IGF2BP3: variants seen among roughly 807,000 people sequenced by gnomAD.
IGF2BP3 encodes insulin like growth factor 2 mRNA binding protein 3.
Under a neutral mutation model 73.8 loss-of-function variants are expected in IGF2BP3, and 9 were observed. That is an observed-to-expected ratio of 0.12 (90% confidence interval 0.07 to 0.21). IGF2BP3 has a LOEUF of 0.21. Ranked by LOEUF, IGF2BP3 falls within the 10% of genes least tolerant of loss-of-function variation. IGF2BP3 has a pLI of 1.00. For synonymous variants in IGF2BP3, 258 were observed against 256.7 expected (o/e 1.01, Z -0.05); for missense variants, 542 against 714.0 (o/e 0.76, Z 2.75).
intron 2 of IGF2BP3, among the ~76,000 whole-genome samples, chr7:23,455,228 G>C (rs146498973): frequency 1.3e-5 from 2 of 152,128 alleles, no homozygotes; most frequent in Non-Finnish European, 2.9e-5. Context: ...CATCACGCAC[G>C]CAGGCTGCTC....
chr7:23,390,300 T>G (rs1786231287), intron 3 of IGF2BP3, among the ~76,000 whole-genome samples: 1 of 152,154 alleles, frequency 6.6e-6, no homozygotes, highest in Non-Finnish European at 1.5e-5. Flanking sequence ...TTTCCAAATT[T>G]TATTCAACGA....
At chr7:23,440,376 C>G (rs948747048) in intron 2 of IGF2BP3, among the ~76,000 whole-genome samples, 1 of 152,156 alleles carries the variant, frequency 6.6e-6, no homozygotes, top group East Asian at 1.9e-4. Flanking sequence ...GCAGAGGTTG[C>G]AGTGAGCCGA....
intron 2 of IGF2BP3, among the ~76,000 whole-genome samples, chr7:23,455,785 G>A (rs1243712269): frequency 6.6e-6 from 1 of 152,012 alleles, no homozygotes; most frequent in African/African-American, 2.4e-5. Flanking sequence ...TCCCGGATTC[G>A]AGCCACTCTC....
chr7:23,411,075 C>T (rs1787003580), intron 3 of IGF2BP3, among the ~76,000 whole-genome samples: 1 of 152,224 alleles, frequency 6.6e-6, no homozygotes, highest in African/African-American at 2.4e-5. Context: ...CTACCGAGAA[C>T]ATGCAGTTTA....
intron 3 of IGF2BP3, among the ~76,000 whole-genome samples, chr7:23,406,079 AAAAG>A (rs1346200148): frequency 3.3e-5 from 5 of 152,080 alleles, no homozygotes; most frequent in Admixed American, 6.5e-5. Flanking sequence ...AAAAAAAAAA[AAAAG>A]AAAGAAAAAT....
chr7:23,321,426 C>A lies in IGF2BP3; in HGVS notation c.1204-2172G>T, dbSNP rs111230553. On this transcript the variant is annotated intron_variant, in intron 10 of 14. Coordinates refer to ENST00000258729, the MANE Select transcript of IGF2BP3 (RefSeq NM_006547.3). ...GCACCTGGCTCGGAGGGTCGTACGC[C>A]CACGGAGTCTCGCTGATTGCTAGCA... Among the ~76,000 whole-genome samples, 515 of 152,308 alleles carry A rather than the reference C, an allele frequency of 3.4e-3. 2 individuals are homozygous for A. The highest frequency in any genetic ancestry group is 5.7e-3 in the Non-Finnish European group (391 of 68,024).
At position 23,310,383 on chromosome 7, in the gene IGF2BP3, T is replaced by G. The variant is rs1389210997; in HGVS notation, c.*1979A>C. 3.3e-5 allele frequency: 5 copies of G among 152,112 alleles called. No individual in the cohort carries two copies. Among genetic ancestry groups the G allele is most frequent in the Non-Finnish European group, 7.4e-5 (5 of 67,972 alleles). The allele number at this position is 152,112 out of a possible 1,614,324, so 9.4% of individuals were successfully genotyped here. A position where few individuals can be genotyped will look rare whatever the true frequency, so the allele number is the denominator to read the frequency against. ...CAAATTACAAATGCTTAAGTAAAAG[T>G]AAAATATGATTTGCCATACTAAAAG... On this transcript the variant is annotated 3_prime_UTR_variant, in exon 15 of 15. Coordinates refer to ENST00000258729, the MANE Select transcript of IGF2BP3 (RefSeq NM_006547.3).
At chr7:23,437,824 C>T (rs1271389416) in intron 2 of IGF2BP3, among the ~76,000 whole-genome samples, 2 of 152,150 alleles carry the variant, frequency 1.3e-5, no homozygotes, top group East Asian at 3.8e-4. Flanking sequence ...AATACATTTC[C>T]ACTGTACCCT....
At chr7:23,352,379 C>G (rs1308189113) in intron 5 of IGF2BP3, among the ~76,000 whole-genome samples, 4 of 150,246 alleles carry the variant, frequency 2.7e-5, no homozygotes, top group African/African-American at 7.4e-5. Flanking sequence ...ACCTCTGCCT[C>G]CGGGGTTCAA....
intron 6 of IGF2BP3, among the ~76,000 whole-genome samples, chr7:23,349,946 C>T (rs750548326): frequency 4.6e-5 from 7 of 152,054 alleles, no homozygotes; most frequent in Non-Finnish European, 7.4e-5. Flanking sequence ...AAAGCCAGGC[C>T]GACTGACTAG....
chr7:23,317,676 A>G lies in IGF2BP3; in HGVS notation c.1358T>C (p.Met453Thr), dbSNP rs980537757. The change falls in exon 12 of 15, where the codon ATG (methionine) becomes ACG (threonine). Residue 453 changes from methionine (M) to threonine (T), a missense_variant. Coordinates refer to ENST00000258729, the MANE Select transcript of IGF2BP3 (RefSeq NM_006547.3). Reference sequence around the variant, plus strand: ...CTCTGGTGGTCCAGTGATAATCACCATCCTCACTTTAGCATCTGGTGCTTC... The same window carrying G: ...CTCTGGTGGTCCAGTGATAATCACCGTCCTCACTTTAGCATCTGGTGCTTC... ...PAEAPDAKVR[M>T]VIITGPPEAQ... The G allele has an allele frequency of 1.2e-6, 2 of 1,614,034 alleles. No individual in the cohort carries two copies. Among genetic ancestry groups the G allele is most frequent in the Non-Finnish European group, 1.7e-6 (2 of 1,179,990 alleles).
intron 3 of IGF2BP3, among the ~76,000 whole-genome samples, chr7:23,418,143 T>C (rs1406753142): frequency 6.6e-6 from 1 of 152,180 alleles, no homozygotes; most frequent in Non-Finnish European, 1.5e-5. Context: ...ACATAAAAGC[T>C]AAGCAGTTTC....
chr7:23,319,009 G>T (rs190060759), intron 11 of IGF2BP3, 129 bp downstream of exon 11: 215 of 645,136 alleles, frequency 3.3e-4, no homozygotes, highest in African/African-American at 1.6e-3. Context: ...TTGTTTGGGG[G>T]TTTCTTCATA....
At chr7:23,364,079 A>T (rs1785302387) in intron 3 of IGF2BP3, among the ~76,000 whole-genome samples, 1 of 152,186 alleles carries the variant, frequency 6.6e-6, no homozygotes, top group African/African-American at 2.4e-5. Context: ...TCTCTATTAA[A>T]AATACAAAAA....
chr7:23,362,854 A>G (rs1785266867), intron 3 of IGF2BP3, among the ~76,000 whole-genome samples: 2 of 151,890 alleles, frequency 1.3e-5, no homozygotes, highest in Non-Finnish European at 2.9e-5. Flanking sequence ...TCTGAGTTTA[A>G]GTGATCTTCT....
At chr7:23,430,325 C>T (rs1364226328) in intron 2 of IGF2BP3, among the ~76,000 whole-genome samples, 1 of 152,194 alleles carries the variant, frequency 6.6e-6, no homozygotes, top group Non-Finnish European at 1.5e-5. Flanking sequence ...CCTCGTGATC[C>T]GCCCGCCTCG....
Position 23,361,607 on chromosome 7 carries a change from G to A in IGF2BP3, c.338-10C>T, listed in dbSNP as rs776870837. On this transcript the variant is annotated splice_polypyrimidine_tract_variant and intron_variant, in intron 4 of 14. Coordinates refer to ENST00000258729, the MANE Select transcript of IGF2BP3 (RefSeq NM_006547.3). ...TCCGAGTCAGTGTTCACTAGAGGAA[G>A]AGAAAAACGAAGAGAATAAAAGTTA... The A allele has an allele frequency of 1.2e-6, 2 of 1,613,528 alleles. No individual in the cohort carries two copies. Among genetic ancestry groups the A allele is most frequent in the Non-Finnish European group, 1.7e-6 (2 of 1,179,654 alleles).
intron 2 of IGF2BP3, among the ~76,000 whole-genome samples, chr7:23,455,379 C>G (rs1471299170): frequency 7.2e-5 from 11 of 152,224 alleles, no homozygotes; most frequent in Non-Finnish European, 4.4e-5. Context: ...CCTTCTGCCT[C>G]TTCCCTCCTG....
At chr7:23,321,924 C>T (rs572581604) in intron 10 of IGF2BP3, among the ~76,000 whole-genome samples, 2 of 152,298 alleles carry the variant, frequency 1.3e-5, no homozygotes, top group East Asian at 3.9e-4. Flanking sequence ...CCCATCTGTA[C>T]ATCACCGTCA....
Sources: allele counts gnomAD v4.1 joint callset (sites outside exome capture counted in the v4.1 genomes callset), GRCh38; gene constraint gnomAD v4.1.1; transcripts MANE v1.5; gene names NCBI Gene and HGNC (gene_info 2026-07-23, HGNC 2026-07-21).